CTSB: variants seen among roughly 807,000 people sequenced by gnomAD.
CTSB encodes the protein cathepsin B.
Under a neutral mutation model 44.3 loss-of-function variants are expected in CTSB, and 57 were observed. The observed-to-expected ratio is 1.29, with a 90% CI of 1.04 to 1.60. The LOEUF is 1.60. Among genes scored for constraint, CTSB ranks in the 40% most tolerant of loss-of-function variants. CTSB has a pLI of 0.00. For synonymous variants in CTSB, 320 were observed against 168.0 expected (o/e 1.91, Z -7.00); for missense variants, 768 against 443.0 (o/e 1.73, Z -6.59).
intron 1 of CTSB, among the ~76,000 whole-genome samples, chr8:11,864,713 T>C (rs1258555321): frequency 2.0e-5 from 3 of 152,002 alleles, no homozygotes; most frequent in South Asian, 2.1e-4. Flanking sequence ...TCCCAACACT[T>C]TGGGAGGCGA....
intron 8 of CTSB, chr8:11,846,372 A>C (rs1175310603): frequency 6.6e-6 from 1 of 152,364 alleles, no homozygotes; most frequent in Non-Finnish European, 1.5e-5. Context: ...TGCCATCTTC[A>C]CAGAAACTTT....
At position 11,844,461 on chromosome 8, in the gene CTSB, C is replaced by G. The variant is rs1328463221; in HGVS notation, c.*664G>C. ...GTAGAGATCAGTGGGTCAGAAACAA[C>G]TCCTGACCACTTGGTTTCCTTTTGA... On this transcript the variant is annotated 3_prime_UTR_variant, in exon 10 of 10. Coordinates refer to ENST00000353047, the MANE Select transcript of CTSB (RefSeq NM_001908.5). 1 of 152,268 alleles carries G rather than the reference C, an allele frequency of 6.6e-6. No individual in the cohort carries two copies. The highest frequency in any genetic ancestry group is 6.5e-5 in the Admixed American group (1 of 15,284). 9.4% of individuals were successfully genotyped at this position (152,268 alleles called of 1,614,324 possible).
intron 1 of CTSB, among the ~76,000 whole-genome samples, chr8:11,863,478 C>G (rs776535030): frequency 9.2e-5 from 14 of 152,020 alleles, no homozygotes; most frequent in Non-Finnish European, 1.9e-4. Context: ...CAAAAAAACC[C>G]AGCAAATATG....
Position 11,845,052 on chromosome 8 carries a change from G to A in CTSB, c.*73C>T, listed in dbSNP as rs959537562. ...ACCCTGTCTGAAACTTGTATCTTAC[G>A]TGAACTTAAAGAATAAAATGCATTT... is the stretch of plus-strand genomic sequence containing the variant. On this transcript the variant is annotated 3_prime_UTR_variant, in exon 10 of 10. Coordinates refer to ENST00000353047, the MANE Select transcript of CTSB (RefSeq NM_001908.5). 23 of 1,022,488 alleles carry A rather than the reference G, an allele frequency of 2.2e-5. No individual in the cohort carries two copies. The highest frequency in any genetic ancestry group is 1.4e-4 in the Admixed American group (8 of 55,642). The allele number at this position is 1,022,488 out of a possible 1,614,324, so 63.3% of individuals were successfully genotyped here.
At chr8:11,848,363 C>G in intron 5 of CTSB, 2 of 671,762 alleles carry the variant, frequency 3.0e-6, no homozygotes, top group Non-Finnish European at 2.7e-6. Context: ...CCACCCCTGC[C>G]CACAAAGATC....
intron 1 of CTSB, chr8:11,865,599 G>GGA (rs371140128): frequency 6.8e-6 from 1 of 148,012 alleles, no homozygotes; most frequent in Admixed American, 6.7e-5. Flanking sequence ...AAAAAAAAAA[G>GGA]GAGAGAGAGA....
chr8:11,846,768 G>C (rs1001310015), intron 8 of CTSB, among the ~76,000 whole-genome samples: 1 of 152,226 alleles, frequency 6.6e-6, no homozygotes, highest in East Asian at 1.9e-4. Flanking sequence ...TTCCCACAGA[G>C]AACATGTATG....
Position 11,853,532 on chromosome 8 carries a change from TCACA to T in CTSB, c.-25-57_-25-54del, listed in dbSNP as rs1182758160. On this transcript the variant is annotated intron_variant, in intron 1 of 9. Coordinates refer to ENST00000353047, the MANE Select transcript of CTSB (RefSeq NM_001908.5). ...CCTCTCTGTTATGTGGGTCGAGGGC[TCACA>T]CACACAGGGGCACCGTCTCGGGCAT... 17 of 1,526,198 alleles carry T rather than the reference TCACA, an allele frequency of 1.1e-5. No homozygotes were observed. In the Admixed American group the frequency reaches 1.6e-4, roughly 15 times the overall value. 94.5% of individuals were successfully genotyped at this position (1,526,198 alleles called of 1,614,324 possible). A position where few individuals can be genotyped will look rare whatever the true frequency, so the allele number is the denominator to read the frequency against.
In CTSB at chr8:11,844,982, C is replaced by G. The variant is rs1430654852; in HGVS notation, c.*143G>C. 8 of 635,948 alleles carry G rather than the reference C, an allele frequency of 1.3e-5. No individual in the cohort carries two copies. The Admixed American group carries it at 1.3e-4, about 10-fold the overall frequency. The allele number at this position is 635,948 out of a possible 1,614,324, so 39.4% of individuals were successfully genotyped here. A position where few individuals can be genotyped will look rare whatever the true frequency, so the allele number is the denominator to read the frequency against. ...GGCTGGGATGTAGCCAGGACTTGGTCTCCTTGGAAGACAGGTCTGATGTTT... is the reference window on the plus strand; with the variant it reads ...GGCTGGGATGTAGCCAGGACTTGGTGTCCTTGGAAGACAGGTCTGATGTTT... On this transcript the variant is annotated 3_prime_UTR_variant, in exon 10 of 10. Transcript: ENST00000353047.
At chr8:11,853,599 G>C in intron 1 of CTSB, 120 bp from the exon 2 acceptor site, 1 of 1,015,304 alleles carries the variant, frequency 9.8e-7, no homozygotes, top group Non-Finnish European at 1.4e-6. Flanking sequence ...CCCAGGCGGA[G>C]AACTCTTAAG....
chr8:11,848,090 C>T lies in CTSB; in HGVS notation c.509G>A (p.Gly170Asp). ...NFWTRKGLVS[G>D]GLYESHVGCR... ...ACCTACATGGGATTCATAGAGGCCA[C>T]CAGAAACCAGGCCTTTTCTTGTCCA... The change falls in exon 6 of 10, where the codon GGT becomes GAT. Residue 170 changes from glycine (G) to aspartate (D), a missense_variant. By Grantham distance (94) the Gly-to-Asp change is moderately conservative. Coordinates refer to ENST00000353047, the MANE Select transcript of CTSB (RefSeq NM_001908.5). 2 of 1,613,852 alleles carry T rather than the reference C, an allele frequency of 1.2e-6. No homozygotes were observed.
chr8:11,849,052 CCA>C lies in CTSB; in HGVS notation c.438_439del (p.Cys146TrpfsTer5). On this transcript the variant is annotated frameshift_variant, in exon 5 of 10. Coordinates refer to ENST00000353047, the MANE Select transcript of CTSB (RefSeq NM_001908.5). LOFTEE classifies it high-confidence loss of function. ...GAAGCACAGCCTGACTCACCCGTCC[CCA>C]CACATGCTGCCACAGCATGTGAGCA... 1 of 1,611,918 alleles carries C rather than the reference CCA, an allele frequency of 6.2e-7. No homozygotes were observed. The highest frequency in any genetic ancestry group is 8.5e-7 in the Non-Finnish European group (1 of 1,178,574).
intron 7 of CTSB, 46 bp downstream of exon 7, chr8:11,847,633 C>G: frequency 6.7e-7 from 1 of 1,496,552 alleles, no homozygotes; most frequent in Non-Finnish European, 8.9e-7. Flanking sequence ...GATGCAGCAG[C>G]TCCCCAGCCT....
At chr8:11,859,312 T>C (rs570570199) in intron 1 of CTSB, among the ~76,000 whole-genome samples, 1 of 152,200 alleles carries the variant, frequency 6.6e-6, no homozygotes, top group African/African-American at 2.4e-5. Context: ...CACCCTAGAC[T>C]ACCTTGAAGC....
At chr8:11,863,453 G>A (rs950686235) in intron 1 of CTSB, among the ~76,000 whole-genome samples, 4 of 150,088 alleles carry the variant, frequency 2.7e-5, no homozygotes, top group Admixed American at 6.7e-5. Flanking sequence ...GTGAGACTCC[G>A]TTTCAAAAAA....
At chr8:11,854,249 C>G (rs1381597959) in intron 1 of CTSB, among the ~76,000 whole-genome samples, 3 of 152,166 alleles carry the variant, frequency 2.0e-5, no homozygotes, top group Non-Finnish European at 4.4e-5. Flanking sequence ...GCGCGGGGAG[C>G]TGGGTGAGGC....
rs747252231 is a variant in CTSB at position 11,849,060 on chromosome 8, G to A, written c.432C>T (p.Ser144=). ...GCCTGACTCACCCGTCCCCACACAT[G>A]CTGCCACAGCATGTGAGCAGGTCCT... The part of the protein sequence containing the change: ...SAEDLLTCCG[S]MCGDGCNGGY... The change falls in exon 5 of 10, where the codon AGC becomes AGT. Residue 144 remains serine (S), a synonymous_variant. Transcript: ENST00000353047. The A allele has an allele frequency of 1.8e-5, 29 of 1,612,578 alleles. No homozygotes were observed. The highest frequency in any genetic ancestry group is 1.3e-4 in the African/African-American group (10 of 74,902).
chr8:11,859,841 G>T (rs904733340), intron 1 of CTSB, among the ~76,000 whole-genome samples: 13 of 147,896 alleles, frequency 8.8e-5, no homozygotes, highest in African/African-American at 3.0e-4. Flanking sequence ...TTGGGAGGCT[G>T]AGGCAGGCGG....
At chr8:11,849,743 G>C in intron 4 of CTSB, among the ~76,000 whole-genome samples, 2 of 152,094 alleles carry the variant, frequency 1.3e-5, no homozygotes, top group Non-Finnish European at 2.9e-5. Context: ...ACCAGGCCCA[G>C]CTAAGTTTTG....
Sources: allele counts gnomAD v4.1 joint callset (sites outside exome capture counted in the v4.1 genomes callset), GRCh38; gene constraint gnomAD v4.1.1; transcripts MANE v1.5; gene names NCBI Gene and HGNC (gene_info 2026-07-23, HGNC 2026-07-21).